Variants in SUPT3H observed in about 807,000 individuals in gnomAD.
SUPT3H encodes SPT3 homolog, SAGA and STAGA complex component, also known as transcription initiation protein SPT3 homolog.
A neutral mutation model predicts 44.3 loss-of-function variants in SUPT3H; 44 were observed. That is an observed-to-expected ratio of 0.99 (90% CI 0.78 to 1.28). The LOEUF is 1.28. Among genes scored for constraint, SUPT3H ranks in the 50% most tolerant of loss-of-function variants. The pLI is 0.00. For synonymous variants in SUPT3H, 124 were observed against 125.6 expected (o/e 0.99, Z 0.09); for missense variants, 380 against 387.1 (o/e 0.98, Z 0.15).
In SUPT3H at chr6:44,950,827, T is replaced by A. The variant is rs544160194; in HGVS notation, c.801+2483A>T. On this transcript the variant is annotated intron_variant, in intron 9 of 10. Coordinates refer to ENST00000371459, the MANE Select transcript of SUPT3H (RefSeq NM_003599.4). ...TTTTTTTTTTCCTCTTGTTTTATTT[T>A]TTATTATTATTATTTTTTATTTATT... 2.6e-4 allele frequency among the ~76,000 whole-genome samples: 37 copies of A among 144,072 alleles called. No individual in the cohort carries two copies. In the South Asian group the frequency reaches 4.5e-3, roughly 18 times the overall value. 94.5% of individuals were successfully genotyped at this position (144,072 alleles called of 152,430 possible).
intron 3 of SUPT3H, among the ~76,000 whole-genome samples, chr6:45,088,646 T>C (rs1477699588): frequency 6.6e-6 from 1 of 152,058 alleles, no homozygotes; most frequent in Non-Finnish European, 1.5e-5. Context: ...TACCAACTCA[T>C]GGCTCACGAA....
At chr6:44,989,047 G>A (rs761807425) in intron 6 of SUPT3H, among the ~76,000 whole-genome samples, 1 of 152,078 alleles carries the variant, frequency 6.6e-6, no homozygotes, top group Non-Finnish European at 1.5e-5. Flanking sequence ...GCCTATAGTT[G>A]TATGTGAAAG....
chr6:45,119,328 T>C lies in SUPT3H; in HGVS notation c.102-13322A>G, dbSNP rs369204478. Among the ~76,000 whole-genome samples the C allele has an allele frequency of 2.0e-5, 3 of 152,258 alleles. No individual in the cohort carries two copies. The East Asian group carries it at 5.8e-4, about 29-fold the overall frequency. On this transcript the variant is annotated intron_variant, in intron 2 of 10. Transcript: ENST00000371459. ...TTTAGAGGAAAATAATCACCTGTTATTTAAATTTGTATTCTGAGCACCTAA... is the reference window on the plus strand; with the variant it reads ...TTTAGAGGAAAATAATCACCTGTTACTTAAATTTGTATTCTGAGCACCTAA...
At chr6:45,170,400 G>A (rs549269920) in intron 2 of SUPT3H, among the ~76,000 whole-genome samples, 1 of 152,230 alleles carries the variant, frequency 6.6e-6, no homozygotes, top group African/African-American at 2.4e-5. Context: ...CAAATAAAGA[G>A]CATATCCCCA....
chr6:45,013,591 C>A (rs1783808718), intron 5 of SUPT3H, among the ~76,000 whole-genome samples: 1 of 151,982 alleles, frequency 6.6e-6, no homozygotes, highest in Non-Finnish European at 1.5e-5. Context: ...CCTATGAGAG[C>A]TAGGGTGGTG....
chr6:45,177,794 C>A (rs1276150112), intron 2 of SUPT3H, among the ~76,000 whole-genome samples: 1 of 151,950 alleles, frequency 6.6e-6, no homozygotes, highest in African/African-American at 2.4e-5. Context: ...AATTTTCAAC[C>A]CAGAATTTCA....
At chr6:45,045,443 A>C (rs918354422) in intron 3 of SUPT3H, among the ~76,000 whole-genome samples, 6 of 152,144 alleles carry the variant, frequency 3.9e-5, no homozygotes, top group Admixed American at 2.0e-4. Context: ...GTAAATGCAG[A>C]TCTGCTTATC....
In SUPT3H at chr6:45,141,797, GGAA is replaced by G. The variant is rs562908794; in HGVS notation, c.102-35794_102-35792del. 9.0e-3 allele frequency among the ~76,000 whole-genome samples: 1,377 copies of G among 152,296 alleles called. 13 individuals carry two copies. Among genetic ancestry groups the G allele is most frequent in the South Asian group, 0.028 (135 of 4,826 alleles). On this transcript the variant is annotated intron_variant, in intron 2 of 10. Coordinates refer to ENST00000371459, the MANE Select transcript of SUPT3H (RefSeq NM_003599.4). ...TTCACAGATGAATTGGTGTTCCTGA[GGAA>G]GAAGAGAAATCTAAAGTGTGGAAAA...
intron 11 of SUPT3H, among the ~76,000 whole-genome samples, chr6:44,817,848 G>T (rs946759063): frequency 5.9e-5 from 9 of 152,048 alleles, no homozygotes; most frequent in Non-Finnish European, 1.0e-4. Context: ...CTTTATAAAT[G>T]GAGAGCTATA....
chr6:45,201,530 G>T (rs1762454695), intron 2 of SUPT3H, among the ~76,000 whole-genome samples: 1 of 151,672 alleles, frequency 6.6e-6, no homozygotes, highest in South Asian at 2.1e-4. Flanking sequence ...AAAAATACTA[G>T]TGAGCTGAAA....
At chr6:45,255,461 A>G (rs1584518707) in intron 2 of SUPT3H, among the ~76,000 whole-genome samples, 1 of 130,028 alleles carries the variant, frequency 7.7e-6, no homozygotes, top group Non-Finnish European at 1.6e-5. Flanking sequence ...GCTCTCTCTC[A>G]CCCAGGCTGG....
chr6:44,974,999 C>T (rs1040980158), intron 6 of SUPT3H, among the ~76,000 whole-genome samples: 7 of 151,986 alleles, frequency 4.6e-5, no homozygotes, highest in South Asian at 2.1e-4. Context: ...GGTAAGACCC[C>T]GTCTCTACTA....
chr6:45,281,652 T>A (rs1030867832), intron 2 of SUPT3H, among the ~76,000 whole-genome samples: 2 of 152,122 alleles, frequency 1.3e-5, no homozygotes, highest in African/African-American at 4.8e-5. Context: ...CTCTGTAGAC[T>A]CCACCTCTGG....
rs79222682 is a variant in SUPT3H, at chr6:44,848,423, C to T, written c.913-18566G>A. On this transcript the variant is annotated intron_variant, in intron 10 of 10. Transcript: ENST00000371459. ...ACCAATTAATTTCTGGTGACAGGCC[C>T]CAGGCATCAATTCCAAAGTTCAGCC... 7.3e-3 allele frequency among the ~76,000 whole-genome samples: 1,105 copies of T among 152,220 alleles called. 17 individuals are homozygous for T. The highest frequency in any genetic ancestry group is 0.026 in the African/African-American group (1,059 of 41,522).
intron 2 of SUPT3H, among the ~76,000 whole-genome samples, chr6:45,155,127 T>A (rs906728702): frequency 6.6e-6 from 1 of 152,196 alleles, no homozygotes; most frequent in African/African-American, 2.4e-5. Flanking sequence ...TCTAACTTCC[T>A]ATTTCAAATA....
intron 2 of SUPT3H, among the ~76,000 whole-genome samples, chr6:45,219,019 A>G (rs1765553312): frequency 6.6e-6 from 1 of 152,196 alleles, no homozygotes; most frequent in African/African-American, 2.4e-5. Context: ...CATGGGTCAA[A>G]GAAGTTACAA....
At chr6:45,107,202 T>C (rs1236361427) in intron 2 of SUPT3H, among the ~76,000 whole-genome samples, 5 of 152,128 alleles carry the variant, frequency 3.3e-5, no homozygotes, top group African/African-American at 9.7e-5. Context: ...TAACCAGCAG[T>C]AGGGAAGACA....
At chr6:45,188,642 A>G (rs573521306) in intron 2 of SUPT3H, among the ~76,000 whole-genome samples, 13 of 152,320 alleles carry the variant, frequency 8.5e-5, no homozygotes, top group African/African-American at 3.1e-4. Flanking sequence ...AAATCAATCA[A>G]TGTAATCCAC....
intron 2 of SUPT3H, among the ~76,000 whole-genome samples, chr6:45,206,840 T>C (rs1763288117): frequency 2.0e-5 from 3 of 152,048 alleles, no homozygotes; most frequent in East Asian, 1.9e-4. Context: ...AGGAGCATGT[T>C]TGAGGGAATA....
Sources: allele counts gnomAD v4.1 joint callset (sites outside exome capture counted in the v4.1 genomes callset), GRCh38; gene constraint gnomAD v4.1.1; transcripts MANE v1.5; gene names NCBI Gene and HGNC (gene_info 2026-07-23, HGNC 2026-07-21).